The following DYRK1A variants were observed in gnomAD, a reference collection of about 807,000 sequenced individuals.
DYRK1A encodes the protein dual specificity tyrosine phosphorylation regulated kinase 1A.
Under a neutral mutation model 79.7 loss-of-function variants are expected in DYRK1A, and 9 were observed. The ratio of observed to expected loss-of-function variants is 0.11; its 90% confidence interval spans 0.07 to 0.20. The LOEUF is 0.20. Among genes scored for constraint, DYRK1A ranks in the 10% least tolerant of loss-of-function variants. DYRK1A has a pLI of 1.00. For synonymous variants in DYRK1A, 349 were observed against 329.7 expected, an observed-to-expected ratio of 1.06 and a Z score of -0.63; for missense variants, 622 against 956.0, an observed-to-expected ratio of 0.65 and a Z score of 4.61.
chr21:37,471,056 A>G (rs921915705), intron 2 of DYRK1A, among the ~76,000 whole-genome samples: 2 of 152,222 alleles, frequency 1.3e-5, no homozygotes, highest in African/African-American at 4.8e-5. Context: ...GGGGCAGTTG[A>G]CATTCCAGCT....
intron 11 of DYRK1A, among the ~76,000 whole-genome samples, chr21:37,508,193 T>C (rs2053651264): frequency 6.6e-6 from 1 of 152,232 alleles, no homozygotes; most frequent in Non-Finnish European, 1.5e-5. Context: ...CTTATTAGAA[T>C]GGAGTGTCTC....
chr21:37,442,652 T>C (rs1205470764), intron 2 of DYRK1A, among the ~76,000 whole-genome samples: 1 of 152,154 alleles, frequency 6.6e-6, no homozygotes, highest in East Asian at 1.9e-4. Flanking sequence ...TATGACGGGC[T>C]GGATTTGAAT....
Position 37,519,774 on chromosome 21 carries a change from C to T in DYRK1A, c.*7243C>T, listed in dbSNP as rs1277057760. On this transcript the variant is annotated 3_prime_UTR_variant, in exon 12 of 12. Transcript: ENST00000647188. The stretch of plus-strand genomic sequence containing the variant: ...TTTTTTTTTTTGAGGCGGAGTCTCG[C>T]TCTGTCGCCCAGGCTGGAGTGCAGT... 10 of 58,346 alleles carry T rather than the reference C, an allele frequency of 1.7e-4. No individual in the cohort carries two copies. The highest frequency in any genetic ancestry group is 1.6e-3 in the Admixed American group (9 of 5,780). The allele number at this position is 58,346 out of a possible 1,614,324, so 3.6% of individuals were successfully genotyped here. A position where few individuals can be genotyped will look rare whatever the true frequency, so the allele number is the denominator to read the frequency against.
chr21:37,453,780 T>C (rs1472210787), intron 2 of DYRK1A, among the ~76,000 whole-genome samples: 1 of 152,196 alleles, frequency 6.6e-6, no homozygotes, highest in East Asian at 1.9e-4. Context: ...GGTGTTTCCC[T>C]AGTGACTTAA....
At chr21:37,490,566 T>G (rs1315590791) in intron 7 of DYRK1A, 105 bp downstream of exon 7, 1 of 801,134 alleles carries the variant, frequency 1.2e-6, no homozygotes, top group Admixed American at 4.8e-5. Flanking sequence ...TTTTCGCCAT[T>G]GCAGTTGCTG....
intron 5 of DYRK1A, among the ~76,000 whole-genome samples, chr21:37,485,377 G>A (rs1036825294): frequency 6.6e-6 from 1 of 152,180 alleles, no homozygotes; most frequent in South Asian, 2.1e-4. Flanking sequence ...ACCACAGAGA[G>A]TGTCTTTTAG....
upstream of DYRK1A, among the ~76,000 whole-genome samples, chr21:37,366,587 T>G (rs952981211): frequency 5.9e-5 from 9 of 151,632 alleles, no homozygotes; most frequent in African/African-American, 2.2e-4. Context: ...GCTCCGAATT[T>G]ATCCTTCACG....
intron 2 of DYRK1A, among the ~76,000 whole-genome samples, chr21:37,468,924 C>T (rs542100260): frequency 1.7e-4 from 26 of 152,064 alleles, no homozygotes; most frequent in African/African-American, 4.6e-4. Context: ...AATAGGGGCT[C>T]GATCATATTC....
At position 37,512,600 on chromosome 21, in the gene DYRK1A, GT is replaced by G; in HGVS notation, c.*70del. 6.5e-7 allele frequency: 1 copy of G among 1,545,436 alleles called. No individual in the cohort carries two copies. The highest frequency in any genetic ancestry group is 1.2e-5 in the South Asian group (1 of 80,946). On this transcript the variant is annotated 3_prime_UTR_variant, in exon 12 of 12. Transcript: ENST00000647188. The stretch of plus-strand genomic sequence containing the variant: ...GTGGTGTTTTTTTTCCAAAAACAAA[GT>G]GCAAAGCTGCTTGAATCAGGAGGAG...
intron 6 of DYRK1A, chr21:37,488,609 A>G (rs2052960238): frequency 1.0e-6 from 1 of 985,394 alleles, no homozygotes; most frequent in South Asian, 4.7e-5. Flanking sequence ...GACTGAACAA[A>G]TATGCTTGTT....
At chr21:37,486,753 AT>A in intron 6 of DYRK1A, 139 bp downstream of exon 6, 2 of 823,796 alleles carry the variant, frequency 2.4e-6, no homozygotes, top group Non-Finnish European at 3.4e-6. Flanking sequence ...GGACAGCAAG[AT>A]TTATATAAGT....
intron 2 of DYRK1A, among the ~76,000 whole-genome samples, chr21:37,432,916 C>A (rs1462466153): frequency 1.3e-5 from 2 of 149,742 alleles, no homozygotes; most frequent in Non-Finnish European, 3.0e-5. Context: ...GCGGAAGTTG[C>A]AGTGAGCCGA....
intron 9 of DYRK1A, among the ~76,000 whole-genome samples, chr21:37,500,969 C>A (rs944222047): frequency 1.4e-4 from 21 of 147,468 alleles, no homozygotes; most frequent in Non-Finnish European, 2.5e-4. Context: ...GATCTAGTTT[C>A]TATTCTGTTT....
chr21:37,416,843 G>A (rs1427329788), intron 1 of DYRK1A, among the ~76,000 whole-genome samples: 1 of 152,016 alleles, frequency 6.6e-6, no homozygotes, highest in Non-Finnish European at 1.5e-5. Flanking sequence ...TTTGTAAATT[G>A]TGAAATATGC....
In DYRK1A at chr21:37,367,562, C is replaced by G. The variant is rs1484581812; in HGVS notation, c.-143C>G. On this transcript the variant is annotated 5_prime_UTR_variant, in exon 1 of 12. Coordinates refer to ENST00000647188, the MANE Select transcript of DYRK1A (RefSeq NM_001347721.2). ...CTGGCTGCGGAGGCCGCGGCGGGAG[C>G]GCGGCGCGGGAGCCCGAGGCTGAGA... 2.7e-5 allele frequency: 4 copies of G among 147,268 alleles called. No homozygotes were observed. The highest frequency in any genetic ancestry group is 2.5e-5 in the African/African-American group (1 of 40,598). The allele number at this position is 147,268 out of a possible 1,614,324, so 9.1% of individuals were successfully genotyped here.
intron 1 of DYRK1A, among the ~76,000 whole-genome samples, chr21:37,385,293 G>T (rs574169467): frequency 1.3e-5 from 2 of 152,268 alleles, no homozygotes; most frequent in Admixed American, 6.5e-5. Context: ...TGAGTCCACT[G>T]CTTTAGGGTC....
At chr21:37,424,426 C>T (rs2835731) in intron 2 of DYRK1A, among the ~76,000 whole-genome samples, 24,777 of 151,916 alleles carry the variant, frequency 0.16, 2,877 homozygotes, top group African/African-American at 0.32. Flanking sequence ...TTTAGTGTCC[C>T]CTACAGTGTG....
chr21:37,513,273 T>C lies in DYRK1A; in HGVS notation c.*742T>C, dbSNP rs1424154361. ...AAGATAGGATGGAACGTGACTGGTCTCCTAACCAAGGTGCACTGAGAAGCA... is the reference window on the plus strand; with the variant it reads ...AAGATAGGATGGAACGTGACTGGTCCCCTAACCAAGGTGCACTGAGAAGCA... On this transcript the variant is annotated 3_prime_UTR_variant, in exon 12 of 12. Transcript: ENST00000647188. 6.5e-6 allele frequency: 1 copy of C among 152,710 alleles called. No individual in the cohort carries two copies. Among genetic ancestry groups the C allele is most frequent in the Non-Finnish European group, 1.5e-5 (1 of 68,162 alleles). The allele number at this position is 152,710 out of a possible 1,614,324, so 9.5% of individuals were successfully genotyped here.
chr21:37,388,100 A>ATTTTTTTTT (rs34571307), intron 1 of DYRK1A, among the ~76,000 whole-genome samples: 2 of 116,638 alleles, frequency 1.7e-5, no homozygotes, highest in Admixed American at 1.9e-4. Context: ...CTTCCCTTTG[A>ATTTTTTTTT]TTTTTTTTTT....
Sources: gnomAD v4.1 joint callset for allele counts (sites outside exome capture counted in the v4.1 genomes callset) on GRCh38, gnomAD v4.1.1 for gene constraint, MANE v1.5 for transcripts, NCBI Gene and HGNC (gene_info 2026-07-23, HGNC 2026-07-21) for gene names.